Variants in ESYT2 observed in about 807,000 individuals in gnomAD.
ESYT2 encodes the protein extended synaptotagmin 2, also known as extended synaptotagmin-2.
ESYT2 carries 54 observed loss-of-function variants against 107.2 expected under a neutral mutation model. The ratio of observed to expected loss-of-function variants is 0.50; its 90% CI spans 0.40 to 0.63. The LOEUF (loss-of-function observed/expected upper bound fraction) is 0.63. Among genes scored for constraint, ESYT2 ranks in the 30% least tolerant of loss-of-function variants. The probability of loss-of-function intolerance (pLI) is 0.00; values close to 1 mark genes in which losing one functional copy is unlikely to be tolerated. For synonymous variants in ESYT2, 491 were observed against 434.1 expected (o/e 1.13, Z -1.63); for missense variants, 1,020 against 1,094.5 (o/e 0.93, Z 0.96).
At chr7:158,766,930 TCAG>T (rs1387297588) in intron 8 of ESYT2, among the ~76,000 whole-genome samples, 3 of 152,220 alleles carry the variant, frequency 2.0e-5, no homozygotes, top group Non-Finnish European at 2.9e-5. Flanking sequence ...CCTTCCATAG[TCAG>T]CAGAAGGAAT....
At chr7:158,757,751 T>TG (rs1390213744) in intron 13 of ESYT2, among the ~76,000 whole-genome samples, 2 of 53,564 alleles carry the variant, frequency 3.7e-5, no homozygotes, top group Non-Finnish European at 1.3e-4. Context: ...ACAGTCTCTC[T>TG]GGGTTTTTTT....
At chr7:158,795,356 AAAGT>A (rs1334035424) in intron 3 of ESYT2, among the ~76,000 whole-genome samples, 2 of 152,272 alleles carry the variant, frequency 1.3e-5, no homozygotes, top group Admixed American at 1.3e-4. Flanking sequence ...TATCAAACTT[AAAGT>A]GTGTGTGATG....
intron 21 of ESYT2, among the ~76,000 whole-genome samples, 199 bp from the exon 22 acceptor site, chr7:158,734,670 G>A (rs957747005): frequency 2.6e-5 from 4 of 152,200 alleles, no homozygotes; most frequent in Admixed American, 2.0e-4. Flanking sequence ...ACGCACCTTG[G>A]TCCCAGCAAC....
In ESYT2 at chr7:158,743,566, C is replaced by T. The variant is rs765640418; in HGVS notation, c.1757G>A (p.Gly586Asp). ...VSQRFQLSNS[G>D]PNSTIKMKIA... ...CTTCATCTTGATGGTGCTGTTTGGA[C>T]CCGAGTTACTGAGCTGGAAGCGCTG... Residue 586 changes from glycine (G) to aspartate (D), a missense_variant, in exon 17 of 23, where the codon GGT (glycine) becomes GAT (aspartate). Physicochemically the swap from Gly to Asp is moderately conservative, Grantham distance 94. Transcript: ENST00000275418. The T allele has an allele frequency of 3.1e-6, 5 of 1,613,040 alleles. No individual in the cohort carries two copies. The highest frequency in any genetic ancestry group is 4.2e-6 in the Non-Finnish European group (5 of 1,179,666).
chr7:158,737,779 AT>A (rs1370924518), intron 19 of ESYT2, among the ~76,000 whole-genome samples: 6 of 152,132 alleles, frequency 3.9e-5, no homozygotes, highest in Non-Finnish European at 5.9e-5. Context: ...TGCTAATTTT[AT>A]TTTCCTATGT....
At chr7:158,790,353 T>C (rs1839248892) in intron 4 of ESYT2, among the ~76,000 whole-genome samples, 1 of 152,198 alleles carries the variant, frequency 6.6e-6, no homozygotes, top group African/African-American at 2.4e-5. Context: ...ACTACATGGT[T>C]GTTCTGAGTG....
chr7:158,793,869 G>A, intron 3 of ESYT2, 143 bp from the exon 4 acceptor site: 1 of 686,162 alleles, frequency 1.5e-6, no homozygotes. Flanking sequence ...AACAGAGTGT[G>A]GCTTGATTTT....
chr7:158,782,378 A>AGTGAGGTGAGTGTAAGAACGAGAAC (rs1399756139), intron 6 of ESYT2, among the ~76,000 whole-genome samples: 6 of 51,314 alleles, frequency 1.2e-4, no homozygotes, highest in Admixed American at 5.9e-4. Flanking sequence ...GTGTGAGAAC[A>AGTGAGGTGAGTGTAAGAACGAGAAC]AAGTGAGGTA....
chr7:158,736,131 G>T (rs1032964928), intron 20 of ESYT2, among the ~76,000 whole-genome samples: 5 of 152,018 alleles, frequency 3.3e-5, no homozygotes, highest in Admixed American at 3.3e-4. Context: ...TCTCCTCCGG[G>T]CTGCGGGTGC....
chr7:158,792,566 A>T (rs1243237618), intron 4 of ESYT2, among the ~76,000 whole-genome samples: 2 of 146,242 alleles, frequency 1.4e-5, no homozygotes, highest in Non-Finnish European at 3.0e-5. Context: ...AAACACACAT[A>T]CATATATATA....
rs752152653 is a variant in ESYT2 at position 158,737,189 on chromosome 7, C to G, written c.2268-10G>C. 19 of 1,613,044 alleles carry G rather than the reference C, an allele frequency of 1.2e-5. No homozygotes were observed. Among genetic ancestry groups the G allele is most frequent in the Middle Eastern group, 3.3e-4 (2 of 6,072 alleles). On this transcript the variant is annotated splice_polypyrimidine_tract_variant and intron_variant, in intron 19 of 22. Coordinates refer to ENST00000275418, the MANE Select transcript of ESYT2 (RefSeq NM_001367773.1). ...GAAGGCAATGAGGTTTCTTACAACA[C>G]AAACCAGATAAGACGAGGTATTAGG...
chr7:158,810,690 A>C (rs1839970121), intron 1 of ESYT2, among the ~76,000 whole-genome samples: 1 of 147,384 alleles, frequency 6.8e-6, no homozygotes, highest in Non-Finnish European at 1.5e-5. Context: ...TTGGGGGGGA[A>C]AAAAAAAGGC....
rs1037329800 is a variant in ESYT2, at chr7:158,739,507, C to T, written c.2169-386G>A. On this transcript the variant is annotated intron_variant, in intron 18 of 22. Transcript: ENST00000275418. ...GATTACAGGCGCCCGCCACCACGCC[C>T]AGCTAATTTTTTGTATTTTTAGTAG... 2.6e-5 allele frequency among the ~76,000 whole-genome samples: 4 copies of T among 152,206 alleles called. No individual in the cohort carries two copies. The East Asian group carries it at 7.8e-4, about 29-fold the overall frequency.
At chr7:158,803,198 A>G (rs1391553069) in intron 1 of ESYT2, among the ~76,000 whole-genome samples, 1 of 152,220 alleles carries the variant, frequency 6.6e-6, no homozygotes, top group African/African-American at 2.4e-5. Context: ...AGGGTCACCC[A>G]TTTACTGGCC....
At chr7:158,734,555 A>C in intron 21 of ESYT2, 84 bp from the exon 22 acceptor site, 1 of 1,246,962 alleles carries the variant, frequency 8.0e-7, no homozygotes, top group East Asian at 2.3e-5. Flanking sequence ...TTGGGAGGCC[A>C]AGATGGGAGG....
intron 19 of ESYT2, among the ~76,000 whole-genome samples, chr7:158,737,389 C>T (rs1361461969): frequency 6.6e-6 from 1 of 152,130 alleles, no homozygotes; most frequent in South Asian, 2.1e-4. Context: ...TTCTCAGCAG[C>T]GACTTCGGCC....
chr7:158,739,922 C>A (rs200918158), intron 18 of ESYT2, among the ~76,000 whole-genome samples: 1 of 140,660 alleles, frequency 7.1e-6, no homozygotes, highest in African/African-American at 2.8e-5. Context: ...GGGGCCATGC[C>A]AGGCAAGGGT....
intron 6 of ESYT2, among the ~76,000 whole-genome samples, chr7:158,773,949 AT>A (rs1444340862): frequency 6.6e-6 from 1 of 152,210 alleles, no homozygotes; most frequent in Non-Finnish European, 1.5e-5. Flanking sequence ...GGACTTTATC[AT>A]TGTTTTACTT....
chr7:158,785,295 G>A (rs1839069570), intron 6 of ESYT2, among the ~76,000 whole-genome samples: 1 of 152,000 alleles, frequency 6.6e-6, no homozygotes, highest in Non-Finnish European at 1.5e-5. Flanking sequence ...CGTGGTGGTG[G>A]GTGCCTGTAA....
Sources: gnomAD v4.1 joint callset for allele counts (sites outside exome capture counted in the v4.1 genomes callset) on GRCh38, gnomAD v4.1.1 for gene constraint, MANE v1.5 for transcripts, NCBI Gene and HGNC (gene_info 2026-07-23, HGNC 2026-07-21) for gene names.